SFMBT1: variants seen among roughly 807,000 people sequenced by gnomAD.
SFMBT1 encodes the protein scm-like with four MBT domains protein 1.
Under a neutral mutation model 108.7 loss-of-function variants are expected in SFMBT1, and 32 were observed. The observed-to-expected ratio is 0.29, with a 90% CI of 0.22 to 0.40. SFMBT1 has a LOEUF of 0.40. SFMBT1 is among the 10% of genes least tolerant of loss of function. SFMBT1 has a pLI of 1.00. For synonymous variants in SFMBT1, 348 were observed against 369.5 expected, an observed-to-expected ratio of 0.94 and a Z score of 0.67; for missense variants, 816 against 1,059.6, an observed-to-expected ratio of 0.77 and a Z score of 3.19.
rs578165756 is a variant in SFMBT1, at chr3:52,965,217, C to A, written c.28+3884G>T. 1.7e-4 allele frequency among the ~76,000 whole-genome samples: 25 copies of A among 147,946 alleles called. No homozygotes were observed. The East Asian group carries it at 4.2e-3, about 25-fold the overall frequency. On this transcript the variant is annotated intron_variant, in intron 2 of 20. Transcript: ENST00000394752. ...AATAACCCAATTAATTAAAAAAAAA[C>A]CCTCTATGGATAAGTTCAACAGCAG...
chr3:52,946,531 T>C (rs1170497338), intron 3 of SFMBT1, among the ~76,000 whole-genome samples: 1 of 152,264 alleles, frequency 6.6e-6, no homozygotes, highest in Non-Finnish European at 1.5e-5. Flanking sequence ...TTCTTTTCAC[T>C]ACTGTGTAGT....
intron 4 of SFMBT1, among the ~76,000 whole-genome samples, chr3:52,939,207 T>C (rs1490904925): frequency 2.0e-5 from 3 of 152,248 alleles, no homozygotes; most frequent in African/African-American, 7.2e-5. Context: ...TGCCCTCATT[T>C]GATTTTCCTA....
At chr3:52,917,861 G>A (rs1383697850) in intron 13 of SFMBT1, among the ~76,000 whole-genome samples, 1 of 152,206 alleles carries the variant, frequency 6.6e-6, no homozygotes, top group East Asian at 1.9e-4. Context: ...GGTCCCTGGT[G>A]CCAAAAACGT....
In SFMBT1 at chr3:52,941,227, T is replaced by C. The variant is rs149862247; in HGVS notation, c.364+2126A>G. Among the ~76,000 whole-genome samples the C allele has an allele frequency of 3.3e-5, 5 of 152,282 alleles. No homozygotes were observed. The East Asian group carries it at 9.6e-4, about 29-fold the overall frequency. On this transcript the variant is annotated intron_variant, in intron 4 of 20. Transcript: ENST00000394752. ...AAAGACGAAAAACCCTGAGGAACTG[T>C]TCCAGATTATAGGAAACTTATGAGA...
intron 3 of SFMBT1, among the ~76,000 whole-genome samples, chr3:52,946,434 C>T (rs72961724): frequency 6.6e-6 from 1 of 152,180 alleles, no homozygotes; most frequent in South Asian, 2.1e-4. Flanking sequence ...TGAAATTATG[C>T]GGTATGAATA....
chr3:52,940,434 C>T (rs1703144649), intron 4 of SFMBT1, among the ~76,000 whole-genome samples: 1 of 152,180 alleles, frequency 6.6e-6, no homozygotes, highest in Non-Finnish European at 1.5e-5. Context: ...GGTAACCACT[C>T]ACCCAATCTA....
At chr3:52,961,241 T>C (rs1424516869) in intron 2 of SFMBT1, among the ~76,000 whole-genome samples, 2 of 152,168 alleles carry the variant, frequency 1.3e-5, no homozygotes, top group African/African-American at 4.8e-5. Context: ...GTAGTCAAAT[T>C]CATAGAAACA....
chr3:53,014,822 A>T (rs1039550652), intron 1 of SFMBT1, among the ~76,000 whole-genome samples: 1 of 152,250 alleles, frequency 6.6e-6, no homozygotes, highest in African/African-American at 2.4e-5. Context: ...ATGTTAATAC[A>T]GCAGAGAGAA....
chr3:52,930,431 C>T lies in SFMBT1; in HGVS notation c.796-1G>A. ...TATGAATGCCAATAACTTGTTTGTC[C>T]TGAAATGCAGACACCAAAAGGGGAT... On this transcript the variant is annotated splice_acceptor_variant, in intron 7 of 20. Transcript: ENST00000394752. LOFTEE classifies it high-confidence loss of function. 6.3e-7 allele frequency: 1 copy of T among 1,582,390 alleles called. No homozygotes were observed. Among genetic ancestry groups the T allele is most frequent in the Non-Finnish European group, 8.7e-7 (1 of 1,151,294 alleles).
chr3:53,013,940 T>A (rs570038694), intron 1 of SFMBT1, among the ~76,000 whole-genome samples: 2 of 152,220 alleles, frequency 1.3e-5, no homozygotes, highest in Non-Finnish European at 2.9e-5. Context: ...AGAATCATTT[T>A]ATTTAAATAA....
chr3:52,960,448 A>G (rs1340402303), intron 2 of SFMBT1, among the ~76,000 whole-genome samples: 1 of 152,224 alleles, frequency 6.6e-6, no homozygotes, highest in Non-Finnish European at 1.5e-5. Context: ...ATGAAATGCC[A>G]TTTCACACAT....
chr3:52,965,907 G>A (rs955903176), intron 2 of SFMBT1, among the ~76,000 whole-genome samples: 1 of 148,654 alleles, frequency 6.7e-6, no homozygotes, highest in Non-Finnish European at 1.5e-5. Context: ...TCGGGAGGCT[G>A]AGGCAGGAGA....
chr3:52,910,339 G>A (rs1359341258), intron 17 of SFMBT1, among the ~76,000 whole-genome samples: 2 of 152,086 alleles, frequency 1.3e-5, no homozygotes, highest in African/African-American at 4.8e-5. Context: ...CAGATTGTAT[G>A]AATGAATTAC....
At chr3:52,910,688 C>T (rs1702193741) in intron 17 of SFMBT1, among the ~76,000 whole-genome samples, 1 of 152,120 alleles carries the variant, frequency 6.6e-6, no homozygotes, top group African/African-American at 2.4e-5. Context: ...GGGGTTTCAC[C>T]ATGTTGGCCA....
At chr3:52,962,144 CATA>C (rs1334340430) in intron 2 of SFMBT1, among the ~76,000 whole-genome samples, 1 of 152,178 alleles carries the variant, frequency 6.6e-6, no homozygotes, top group Non-Finnish European at 1.5e-5. Context: ...ACAGGTAAAG[CATA>C]ATGACACAAC....
chr3:52,963,891 G>A (rs1213785716), intron 2 of SFMBT1, among the ~76,000 whole-genome samples: 3 of 152,152 alleles, frequency 2.0e-5, no homozygotes, highest in African/African-American at 7.2e-5. Flanking sequence ...ATAATTAGAG[G>A]ACTTCTATAG....
At chr3:52,950,991 G>A (rs944753673) in intron 3 of SFMBT1, among the ~76,000 whole-genome samples, 7 of 151,028 alleles carry the variant, frequency 4.6e-5, no homozygotes, top group Non-Finnish European at 8.8e-5. Context: ...AAGCATGGTG[G>A]TGGGTGTCTG....
intron 1 of SFMBT1, among the ~76,000 whole-genome samples, chr3:53,011,900 G>A (rs1050778685): frequency 1.3e-5 from 2 of 152,174 alleles, no homozygotes. Flanking sequence ...AGGTTGGATT[G>A]TAGGTTTGCA....
intron 1 of SFMBT1, among the ~76,000 whole-genome samples, chr3:53,013,976 G>C (rs544591057): frequency 6.6e-6 from 1 of 152,208 alleles, no homozygotes; most frequent in African/African-American, 2.4e-5. Flanking sequence ...GGGAGGAAGA[G>C]AGCTGACACT....
Sources: gnomAD v4.1 joint callset for allele counts (sites outside exome capture counted in the v4.1 genomes callset) on GRCh38, gnomAD v4.1.1 for gene constraint, MANE v1.5 for transcripts, NCBI Gene and HGNC (gene_info 2026-07-23, HGNC 2026-07-21) for gene names.